Variants in FGF12 observed in about 807,000 individuals in gnomAD.
The protein encoded by FGF12 is fibroblast growth factor 12, also known as fibroblast growth factor 12B.
Under a neutral mutation model 23.6 loss-of-function variants are expected in FGF12, and 14 were observed. That is an observed-to-expected ratio of 0.59 (90% CI 0.39 to 0.93). The LOEUF (loss-of-function observed/expected upper bound fraction) is 0.93. FGF12 is among the 40% of genes least tolerant of loss of function. The pLI is 0.00. For missense variants in FGF12, 175 were observed against 217.8 expected, an observed-to-expected ratio of 0.80 and a Z score of 1.24; for synonymous variants, 62 against 77.3, an observed-to-expected ratio of 0.80 and a Z score of 1.04.
At chr3:192,718,370 C>A (rs1056730390) in intron 2 of FGF12, among the ~76,000 whole-genome samples, 3 of 151,844 alleles carry the variant, frequency 2.0e-5, no homozygotes, top group Admixed American at 6.6e-5. Context: ...TCAAGTTCGC[C>A]AAAAGAGATA....
intron 4 of FGF12, among the ~76,000 whole-genome samples, chr3:192,199,297 C>T (rs1294591609): frequency 3.3e-5 from 5 of 152,228 alleles, no homozygotes; most frequent in Admixed American, 3.3e-4. Flanking sequence ...AGTAAGTGTA[C>T]TGAGTTGTGC....
At chr3:192,716,074 A>G (rs1272424489) in intron 2 of FGF12, among the ~76,000 whole-genome samples, 1 of 152,234 alleles carries the variant, frequency 6.6e-6, no homozygotes, top group African/African-American at 2.4e-5. Context: ...AGAGAATCTT[A>G]GACTAGATTG....
At chr3:192,556,107 C>T (rs1038875108) in intron 2 of FGF12, among the ~76,000 whole-genome samples, 3 of 151,564 alleles carry the variant, frequency 2.0e-5, no homozygotes, top group African/African-American at 7.3e-5. Context: ...GAAAGGAGGA[C>T]CAAAAGGCAA....
chr3:192,715,056 G>C (rs912890624), intron 2 of FGF12, among the ~76,000 whole-genome samples: 3 of 152,300 alleles, frequency 2.0e-5, no homozygotes, highest in Middle Eastern at 3.4e-3. Flanking sequence ...CAGTGTTCTT[G>C]TACGTATATC....
At chr3:192,261,487 T>A (rs1712748812) in intron 4 of FGF12, among the ~76,000 whole-genome samples, 1 of 152,166 alleles carries the variant, frequency 6.6e-6, no homozygotes, top group Non-Finnish European at 1.5e-5. Flanking sequence ...TTACACAAGC[T>A]TTTAAGTTTG....
At chr3:192,666,999 T>G (rs1250546071) in intron 2 of FGF12, among the ~76,000 whole-genome samples, 1 of 151,940 alleles carries the variant, frequency 6.6e-6, no homozygotes, top group East Asian at 1.9e-4. Context: ...CCAAAACAAG[T>G]TTATTATGTG....
intron 2 of FGF12, among the ~76,000 whole-genome samples, chr3:192,399,470 T>C (rs1205131240): frequency 6.6e-6 from 1 of 152,208 alleles, no homozygotes; most frequent in Non-Finnish European, 1.5e-5. Flanking sequence ...GTGCATGGTA[T>C]TTTATCATAA....
intron 4 of FGF12, among the ~76,000 whole-genome samples, chr3:192,229,232 T>C (rs147320479): frequency 0.014 from 2,157 of 151,952 alleles, 30 homozygotes; most frequent in Non-Finnish European, 0.023. Context: ...AGAATTAAGA[T>C]GCGAACCCAA....
intron 4 of FGF12, among the ~76,000 whole-genome samples, chr3:192,300,454 G>A (rs1402008349): frequency 6.6e-6 from 1 of 151,908 alleles, no homozygotes; most frequent in Non-Finnish European, 1.5e-5. Context: ...TTACAATCCT[G>A]GACTACCAAT....
chr3:192,527,449 A>G (rs1724972683), intron 2 of FGF12, among the ~76,000 whole-genome samples: 1 of 152,166 alleles, frequency 6.6e-6, no homozygotes, highest in African/African-American at 2.4e-5. Context: ...CATTGTTTCC[A>G]TTTCTAGTTT....
At chr3:192,648,738 CAG>C (rs960434460) in intron 2 of FGF12, among the ~76,000 whole-genome samples, 1 of 151,986 alleles carries the variant, frequency 6.6e-6, no homozygotes, top group African/African-American at 2.4e-5. Context: ...AAGGGAGCAA[CAG>C]AAAAATAGAA....
intron 2 of FGF12, among the ~76,000 whole-genome samples, chr3:192,669,654 C>T (rs937938187): frequency 4.9e-5 from 7 of 144,272 alleles, no homozygotes; most frequent in Non-Finnish European, 9.0e-5. Context: ...CCAGAGAATC[C>T]TGGATGTCCC....
chr3:192,521,505 ATACT>A (rs1724811025), intron 2 of FGF12: 1 of 152,264 alleles, frequency 6.6e-6, no homozygotes, highest in South Asian at 2.1e-4. Context: ...AGGATAATAA[ATACT>A]TATGAATGTC....
intron 2 of FGF12, among the ~76,000 whole-genome samples, chr3:192,435,871 C>A (rs1174054445): frequency 6.6e-6 from 1 of 152,154 alleles, no homozygotes; most frequent in Non-Finnish European, 1.5e-5. Context: ...TTTTCAGAAG[C>A]ATAAATGATA....
intron 2 of FGF12, among the ~76,000 whole-genome samples, chr3:192,612,844 CCT>C (rs1403365058): frequency 1.3e-5 from 2 of 151,904 alleles, no homozygotes; most frequent in Non-Finnish European, 2.9e-5. Context: ...CTTTATACCC[CCT>C]GTTCCAAGAA....
At chr3:192,675,128 G>A (rs187367037) in intron 2 of FGF12, among the ~76,000 whole-genome samples, 4 of 152,270 alleles carry the variant, frequency 2.6e-5, no homozygotes, top group Admixed American at 1.3e-4. Context: ...GTAAGTGGTA[G>A]GAGCAAATCA....
At chr3:192,558,103 T>C (rs1428856793) in intron 2 of FGF12, among the ~76,000 whole-genome samples, 1 of 151,574 alleles carries the variant, frequency 6.6e-6, no homozygotes, top group African/African-American at 2.4e-5. Flanking sequence ...ATAAATAAAA[T>C]CCAACAAAAT....
chr3:192,337,682 T>C (rs535552734), intron 3 of FGF12, among the ~76,000 whole-genome samples: 4 of 152,336 alleles, frequency 2.6e-5, no homozygotes, highest in East Asian at 3.9e-4. Context: ...AAAATGGACA[T>C]GATAATGCTT....
In FGF12 at chr3:192,307,069, T is replaced by A. The variant is rs149280201; in HGVS notation, c.228+28292A>T. ...TGTGATCAACAAATAGTTGAAAATG[T>A]GTTATGTGAAAAATAATAATTTTCG... On this transcript the variant is annotated intron_variant, in intron 4 of 5. Transcript: ENST00000445105. Among the ~76,000 whole-genome samples, 362 of 152,346 alleles carry A rather than the reference T, an allele frequency of 2.4e-3. 2 individuals are homozygous for A. The highest frequency in any genetic ancestry group is 4.2e-3 in the Non-Finnish European group (286 of 68,028).
Sources: gnomAD v4.1 joint callset for allele counts (sites outside exome capture counted in the v4.1 genomes callset) on GRCh38, gnomAD v4.1.1 for gene constraint, MANE v1.5 for transcripts, NCBI Gene and HGNC (gene_info 2026-07-23, HGNC 2026-07-21) for gene names.